Variants in IFIH1 observed in about 807,000 individuals in gnomAD.
IFIH1 encodes interferon induced with helicase C domain 1.
In IFIH1, 125 loss-of-function variants were observed where a neutral mutation model predicts 107.4. That is an observed-to-expected ratio of 1.16 (90% confidence interval 1.01 to 1.35). The LOEUF is 1.35. IFIH1 is among the 40% of genes most tolerant of loss of function. The pLI, the probability that IFIH1 is intolerant of heterozygous loss-of-function variation, is 0.00. For missense variants in IFIH1, 1,333 were observed against 1,213.7 expected (o/e 1.10, Z -1.46); for synonymous variants, 458 against 413.2 (o/e 1.11, Z -1.31).
rs754401042 is a variant in IFIH1, at chr2:162,272,177, A to G, written c.2616+49T>C. On this transcript the variant is annotated intron_variant, in intron 13 of 15. Transcript: ENST00000649979. ...TCACAGAGATATCAATGGCAACCACATGCCGCCATTTTTAAATGAAAATCA... is the reference window on the plus strand; with the variant it reads ...TCACAGAGATATCAATGGCAACCACGTGCCGCCATTTTTAAATGAAAATCA... 4.1e-6 allele frequency: 6 copies of G among 1,473,968 alleles called. No homozygotes were observed. In the Admixed American group the frequency reaches 7.3e-5, roughly 18 times the overall value. The allele number at this position is 1,473,968 out of a possible 1,614,324, so 91.3% of individuals were successfully genotyped here.
chr2:162,305,406 C>T (rs1027188172), intron 3 of IFIH1, among the ~76,000 whole-genome samples: 12 of 151,942 alleles, frequency 7.9e-5, no homozygotes, highest in Admixed American at 3.9e-4. Context: ...CCTGTCTCTA[C>T]TAAAAATACA....
At chr2:162,317,773 A>G in intron 1 of IFIH1, 82 bp downstream of exon 1, 4 of 1,157,442 alleles carry the variant, frequency 3.5e-6, no homozygotes, top group Non-Finnish European at 4.9e-6. Flanking sequence ...GGTCAAGCAC[A>G]TTTGGAAAGG....
intron 3 of IFIH1, among the ~76,000 whole-genome samples, chr2:162,305,808 T>C (rs1429066818): frequency 1.3e-5 from 2 of 152,228 alleles, no homozygotes; most frequent in African/African-American, 4.8e-5. Flanking sequence ...ATCATTTAAC[T>C]ATCATCTTTG....
At position 162,288,395 on chromosome 2, in the gene IFIH1, A is replaced by G. The variant is rs372486033; in HGVS notation, c.875-40T>C. ...AAAGAAAAATAAGAGAAGGGACAAC[A>G]AAATAACAGAGCTTAGGAAGCCTGA... On this transcript the variant is annotated intron_variant, in intron 4 of 15. Coordinates refer to ENST00000649979, the MANE Select transcript of IFIH1 (RefSeq NM_022168.4). 2.2e-5 allele frequency: 33 copies of G among 1,474,544 alleles called. No individual in the cohort carries two copies. The African/African-American group carries it at 4.5e-4, about 20-fold the overall frequency. The allele number at this position is 1,474,544 out of a possible 1,614,324, so 91.3% of individuals were successfully genotyped here. A position where few individuals can be genotyped will look rare whatever the true frequency, so the allele number is the denominator to read the frequency against.
rs545250826 is a variant in IFIH1 at position 162,293,456 on chromosome 2, G to A, written c.874+108C>T. On this transcript the variant is annotated intron_variant, in intron 4 of 15. Transcript: ENST00000649979. Reference sequence around the variant, plus strand: ...AACTATTTCACTGTAGAAAAGAATTGCTTTAATTGCATAAATACATTAGGG... The same window carrying A: ...AACTATTTCACTGTAGAAAAGAATTACTTTAATTGCATAAATACATTAGGG... 2.5e-5 allele frequency: 16 copies of A among 639,506 alleles called. 1 individual carries two copies. In the Admixed American group the frequency reaches 4.4e-4, roughly 18 times the overall value. The allele number at this position is 639,506 out of a possible 1,614,324, so 39.6% of individuals were successfully genotyped here. A position where few individuals can be genotyped will look rare whatever the true frequency, so the allele number is the denominator to read the frequency against.
At chr2:162,307,452 T>A (rs1490234332) in intron 2 of IFIH1, among the ~76,000 whole-genome samples, 1 of 152,260 alleles carries the variant, frequency 6.6e-6, no homozygotes, top group African/African-American at 2.4e-5. Flanking sequence ...ATTCATGTAT[T>A]CTGAATTTCT....
rs367921237 is a variant in IFIH1, at chr2:162,281,495, C to A, written c.1357G>T (p.Val453Leu). 12 of 1,611,906 alleles carry A rather than the reference C, an allele frequency of 7.4e-6. No homozygotes were observed. The highest frequency in any genetic ancestry group is 8.5e-7 in the Non-Finnish European group (1 of 1,178,652). ...DECHHTNKEAVYNNIMRHYLM... is the reference protein window; with the variant it reads ...DECHHTNKEALYNNIMRHYLM... Reference sequence around the variant, plus strand: ...TAATGCCTCATGATGTTATTATACACTGCTTCTTTGTTGGTGTGATGACAT... The same window carrying A: ...TAATGCCTCATGATGTTATTATACAATGCTTCTTTGTTGGTGTGATGACAT... The change falls in exon 7 of 16, where the codon GTG becomes TTG. Residue 453 changes from valine to leucine, a missense_variant. Transcript: ENST00000649979.
At chr2:162,308,199 G>A (rs1220521954) in intron 2 of IFIH1, among the ~76,000 whole-genome samples, 1 of 152,122 alleles carries the variant, frequency 6.6e-6, no homozygotes, top group African/African-American at 2.4e-5. Flanking sequence ...AGATCAAGGT[G>A]ACAGCAGGGT....
intron 3 of IFIH1, among the ~76,000 whole-genome samples, chr2:162,300,407 ATTTC>A (rs909755454): frequency 3.9e-5 from 6 of 152,118 alleles, no homozygotes; most frequent in African/African-American, 1.4e-4. Context: ...CACTGGGGAG[ATTTC>A]TTTCTGTCTT....
chr2:162,310,565 T>C, intron 2 of IFIH1, 200 bp downstream of exon 2: 1 of 573,946 alleles, frequency 1.7e-6, no homozygotes. Context: ...TGAAAAATGG[T>C]CTTTGATCAG....
chr2:162,277,093 A>ATTT, intron 10 of IFIH1, 147 bp from the exon 11 acceptor site: 1 of 657,966 alleles, frequency 1.5e-6, no homozygotes, highest in Non-Finnish European at 2.5e-6. Flanking sequence ...GGAAGTATAA[A>ATTT]TTAGTAAAAC....
chr2:162,282,536 G>A lies in IFIH1; in HGVS notation c.1136C>T (p.Pro379Leu). The A allele has an allele frequency of 6.2e-7, 1 of 1,611,350 alleles. No homozygotes were observed. Among genetic ancestry groups the A allele is most frequent in the Non-Finnish European group, 8.5e-7 (1 of 1,178,576 alleles). ...AACACGATACCATTTCTTCAAAAATGGTTGGAACTCCTTGCGGAAGAGCTG... is the reference window on the plus strand; with the variant it reads ...AACACGATACCATTTCTTCAAAAATAGTTGGAACTCCTTGCGGAAGAGCTG... ...VEQLFRKEFQPFLKKWYRVIG... is the reference protein window; with the variant it reads ...VEQLFRKEFQLFLKKWYRVIG... Residue 379 changes from proline to leucine, a missense_variant, in exon 6 of 16, where the codon CCA becomes CTA. By Grantham distance (98) the Pro-to-Leu change is moderately conservative (BLOSUM62 -3). Transcript: ENST00000649979.
intron 7 of IFIH1, 66 bp downstream of exon 7, chr2:162,281,262 G>T: frequency 8.0e-7 from 1 of 1,249,114 alleles, no homozygotes; most frequent in Non-Finnish European, 1.1e-6. Flanking sequence ...TATTTAATAA[G>T]ACCAAGAAGT....
intron 14 of IFIH1, among the ~76,000 whole-genome samples, chr2:162,267,841 A>G (rs1690955934): frequency 6.6e-6 from 1 of 152,230 alleles, no homozygotes; most frequent in African/African-American, 2.4e-5. Flanking sequence ...TTTGAGAACA[A>G]ATGATGAGCA....
intron 9 of IFIH1, among the ~76,000 whole-genome samples, chr2:162,277,997 G>C (rs1235836900): frequency 6.6e-6 from 1 of 152,140 alleles, no homozygotes; most frequent in Non-Finnish European, 1.5e-5. Flanking sequence ...CAAGACTCTG[G>C]AGACAAAGAG....
chr2:162,291,334 T>C (rs925149923), intron 4 of IFIH1, among the ~76,000 whole-genome samples: 1 of 151,804 alleles, frequency 6.6e-6, no homozygotes, highest in Non-Finnish European at 1.5e-5. Flanking sequence ...CCTTTACCTA[T>C]GGTATGTAAC....
chr2:162,310,495 T>C (rs184783127), intron 2 of IFIH1: 11 of 505,554 alleles, frequency 2.2e-5, no homozygotes, highest in African/African-American at 1.6e-4. Context: ...ATAATCTTGA[T>C]AAAATTTCTG....
At chr2:162,274,000 C>T in intron 11 of IFIH1, 56 bp from the exon 12 acceptor site, 1 of 1,181,410 alleles carries the variant, frequency 8.5e-7, no homozygotes, top group Non-Finnish European at 1.2e-6. Flanking sequence ...TTAAAATCTT[C>T]TAATTAGAGG....
rs774408685 is a variant in IFIH1, at chr2:162,272,228, T to C, written c.2614A>G (p.Lys872Glu). ...QNMKPEEYAH[K>E]ILELQMQSIM... Reference sequence around the variant, plus strand: ...AATTCAGAGGTGACCAACAATACCTTATGAGCATACTCCTCTGGTTTCATA... The same window carrying C: ...AATTCAGAGGTGACCAACAATACCTCATGAGCATACTCCTCTGGTTTCATA... Residue 872 changes from lysine (K) to glutamate (E), a missense_variant and splice_region_variant, in exon 13 of 16, where the codon AAG becomes GAG. Transcript: ENST00000649979. 13 of 1,610,346 alleles carry C rather than the reference T, an allele frequency of 8.1e-6. No homozygotes were observed. Among genetic ancestry groups the C allele is most frequent in the Non-Finnish European group, 8.5e-6 (10 of 1,177,900 alleles).
Sources: gnomAD v4.1 joint callset for allele counts (sites outside exome capture counted in the v4.1 genomes callset) on GRCh38, gnomAD v4.1.1 for gene constraint, MANE v1.5 for transcripts, NCBI Gene and HGNC (gene_info 2026-07-23, HGNC 2026-07-21) for gene names.